The following TADA3 variants were observed in gnomAD, a reference collection of about 807,000 sequenced individuals.
The protein encoded by TADA3 is transcriptional adapter 3.
In TADA3, 25 loss-of-function variants were observed where a neutral mutation model predicts 43.2. The observed-to-expected ratio is 0.58, with a 90% CI of 0.42 to 0.81. TADA3 has a LOEUF of 0.81. Ranked by LOEUF, TADA3 falls within the 30% of genes least tolerant of loss-of-function variation. The probability of loss-of-function intolerance (pLI) is 0.00; values close to 1 mark genes in which losing one functional copy is unlikely to be tolerated. For missense variants in TADA3, 441 were observed against 567.8 expected, an observed-to-expected ratio of 0.78 and a Z score of 2.27; for synonymous variants, 235 against 225.5, an observed-to-expected ratio of 1.04 and a Z score of -0.38.
At chr3:9,784,461 ATTATT>A (rs960824306) in intron 7 of TADA3, among the ~76,000 whole-genome samples, 3 of 152,136 alleles carry the variant, frequency 2.0e-5, no homozygotes, top group Non-Finnish European at 2.9e-5. Flanking sequence ...GAGAATTACT[ATTATT>A]TTGTTATATA....
chr3:9,780,186 C>T lies in TADA3; in HGVS notation c.*171G>A, dbSNP rs886130165. The T allele has an allele frequency of 6.5e-6, 4 of 613,996 alleles. No individual in the cohort carries two copies. The highest frequency in any genetic ancestry group is 5.6e-5 in the African/African-American group (3 of 53,896). The allele number at this position is 613,996 out of a possible 1,614,324, so 38.0% of individuals were successfully genotyped here. ...CTAGCCCAGCAGGGCTTCCTGTGTC[C>T]TGGTTGTACAGAGCTAGGCCAAAAG... On this transcript the variant is annotated 3_prime_UTR_variant, in exon 9 of 9. Coordinates refer to ENST00000301964, the MANE Select transcript of TADA3 (RefSeq NM_006354.5).
chr3:9,791,122 C>T (rs1215129663), intron 2 of TADA3, 138 bp downstream of exon 2: 3 of 759,026 alleles, frequency 4.0e-6, no homozygotes, highest in Non-Finnish European at 6.3e-6. Context: ...TTGTGTCATG[C>T]AAACCCAGTT....
At chr3:9,789,070 A>G (rs2078680680) in intron 4 of TADA3, among the ~76,000 whole-genome samples, 1 of 151,722 alleles carries the variant, frequency 6.6e-6, no homozygotes. Flanking sequence ...TCCTGAGCTC[A>G]AGCAATCTGC....
chr3:9,787,397 A>T, intron 4 of TADA3, 57 bp from the exon 5 acceptor site: 2 of 1,537,746 alleles, frequency 1.3e-6, no homozygotes, highest in Non-Finnish European at 1.7e-6. Flanking sequence ...GCCATGCTTC[A>T]TTCATTCATT....
chr3:9,788,520 C>T (rs1559720230), intron 4 of TADA3, among the ~76,000 whole-genome samples: 1 of 151,402 alleles, frequency 6.6e-6, no homozygotes, highest in Admixed American at 6.6e-5. Context: ...GCTGGGATTA[C>T]AGGCTTGAGC....
upstream of TADA3, chr3:9,792,765 G>T: frequency 8.0e-7 from 1 of 1,246,616 alleles, no homozygotes. Context: ...GGGCTCGTCC[G>T]CTTCGGCTTG....
chr3:9,781,557 T>C, intron 8 of TADA3: 1 of 456,704 alleles, frequency 2.2e-6, no homozygotes, highest in South Asian at 1.5e-5. Context: ...GGCATCTGCA[T>C]TCCAGAGCCC....
chr3:9,791,433 G>A lies in TADA3; in HGVS notation c.34C>T (p.His12Tyr). ...SELKDCPLQF[H>Y]DFKSVDHLKV... ...AGGTGATCCACAGACTTGAAGTCGTGGAACTGCAAGGGGCAGTCTTTCAAC... is the reference window on the plus strand; with the variant it reads ...AGGTGATCCACAGACTTGAAGTCGTAGAACTGCAAGGGGCAGTCTTTCAAC... The change falls in exon 2 of 9, where the codon CAC becomes TAC. Residue 12 changes from histidine (H) to tyrosine (Y), a missense_variant. Physicochemically the swap from His to Tyr is moderately conservative, Grantham distance 83 (BLOSUM62 2). Coordinates refer to ENST00000301964, the MANE Select transcript of TADA3 (RefSeq NM_006354.5). 1 of 1,613,662 alleles carries A rather than the reference G, an allele frequency of 6.2e-7. No homozygotes were observed. The highest frequency in any genetic ancestry group is 8.5e-7 in the Non-Finnish European group (1 of 1,179,636).
In TADA3 at chr3:9,784,052, C is replaced by T. The variant is rs1406277079; in HGVS notation, c.1082G>A (p.Arg361His). The T allele has an allele frequency of 5.6e-6, 9 of 1,613,968 alleles. No homozygotes were observed. The highest frequency in any genetic ancestry group is 2.2e-5 in the East Asian group (1 of 44,880). Residue 361 changes from arginine to histidine, a missense_variant, in exon 8 of 9, where the codon CGC becomes CAC. Transcript: ENST00000301964. ...CCTCAGCAGGTCGTGCTTCTTGGTG[C>T]GGTTGTGGGCACTAAGTGCCTTCAG... ...AELKALSAHN[R>H]TKKHDLLRLA...
intron 6 of TADA3, among the ~76,000 whole-genome samples, chr3:9,786,668 A>T (rs1412748264): frequency 2.0e-5 from 3 of 152,192 alleles, no homozygotes; most frequent in African/African-American, 7.2e-5. Context: ...TAGCAAAAGT[A>T]ATTGTGGAGT....
At chr3:9,792,760 C>T (rs1373518019), upstream of TADA3, 5 of 1,245,630 alleles carry the variant, frequency 4.0e-6, no homozygotes, top group Non-Finnish European at 5.0e-6. Context: ...ACGAAGGGCT[C>T]GTCCGCTTCG....
chr3:9,791,576 G>C (rs749799446), intron 1 of TADA3, 83 bp from the exon 2 acceptor site: 1 of 809,638 alleles, frequency 1.2e-6, no homozygotes, highest in Non-Finnish European at 1.9e-6. Context: ...ACAGCCTCAA[G>C]GAAGCCCAGC....
Position 9,787,292 on chromosome 3 carries a change from G to A in TADA3, c.613C>T (p.Leu205=). ...HYSQRWAQED[L]LEEQKDGARA... ...GCCCCATCCTTCTGCTCCTCCAGCAGGTCCTCCTGGGCCCAGCGCTGGGAG... is the reference window on the plus strand; with the variant it reads ...GCCCCATCCTTCTGCTCCTCCAGCAAGTCCTCCTGGGCCCAGCGCTGGGAG... Residue 205 remains leucine, a synonymous_variant, in exon 5 of 9, where the codon CTG becomes TTG. Transcript: ENST00000301964. 6.2e-7 allele frequency: 1 copy of A among 1,614,162 alleles called. No homozygotes were observed. Among genetic ancestry groups the A allele is most frequent in the Non-Finnish European group, 8.5e-7 (1 of 1,180,020 alleles).
In TADA3 at chr3:9,788,077, C is replaced by G. The variant is rs2078656855; in HGVS notation, c.565-737G>C. On this transcript the variant is annotated intron_variant, in intron 4 of 8. Coordinates refer to ENST00000301964, the MANE Select transcript of TADA3 (RefSeq NM_006354.5). Reference sequence around the variant, plus strand: ...AAGGACTGGGATGCGTGGACTTGATCCTGTAGATAACGGGAGGAAGAAAGG... The same window carrying G: ...AAGGACTGGGATGCGTGGACTTGATGCTGTAGATAACGGGAGGAAGAAAGG... The G allele has an allele frequency of 1.3e-5, 3 of 238,452 alleles. No individual in the cohort carries two copies. In the South Asian group the frequency reaches 1.6e-4, roughly 13 times the overall value. The allele number at this position is 238,452 out of a possible 1,614,324, so 14.8% of individuals were successfully genotyped here.
intron 8 of TADA3, among the ~76,000 whole-genome samples, chr3:9,780,778 C>G (rs898865590): frequency 6.6e-6 from 1 of 152,150 alleles, no homozygotes; most frequent in African/African-American, 2.4e-5. Context: ...CATGTGGGGA[C>G]AGGGAGATAC....
upstream of TADA3, chr3:9,792,638 G>A (rs1325368044): frequency 8.1e-7 from 1 of 1,230,750 alleles, no homozygotes; most frequent in Non-Finnish European, 1.0e-6. Flanking sequence ...AGCCCGGGGC[G>A]GGAGGCGGAG....
intron 8 of TADA3, among the ~76,000 whole-genome samples, chr3:9,782,955 C>T (rs1483632778): frequency 6.6e-6 from 1 of 152,202 alleles, no homozygotes; most frequent in African/African-American, 2.4e-5. Flanking sequence ...CTCAAGATGT[C>T]ACCTATACCC....
chr3:9,789,135 C>G (rs55807755), intron 4 of TADA3, among the ~76,000 whole-genome samples: 31,690 of 152,088 alleles, frequency 0.21, 3,798 homozygotes, highest in East Asian at 0.57. Flanking sequence ...TGCTCCCAGC[C>G]CAAGTTTTAT....
intron 8 of TADA3, among the ~76,000 whole-genome samples, 195 bp from the exon 9 acceptor site, chr3:9,780,744 G>A (rs2078441023): frequency 6.6e-6 from 1 of 152,234 alleles, no homozygotes; most frequent in African/African-American, 2.4e-5. Context: ...ATTAACTCAT[G>A]TTGATCACGG....
Sources: gnomAD v4.1 joint callset for allele counts (sites outside exome capture counted in the v4.1 genomes callset) on GRCh38, gnomAD v4.1.1 for gene constraint, MANE v1.5 for transcripts, NCBI Gene and HGNC (gene_info 2026-07-23, HGNC 2026-07-21) for gene names.